Variants in OLFM1 observed in about 807,000 individuals in gnomAD.
OLFM1 encodes the protein olfactomedin 1.
OLFM1 carries 9 observed loss-of-function variants against 49.7 expected under a neutral mutation model. The ratio of observed to expected loss-of-function variants is 0.18; its 90% CI spans 0.11 to 0.32. The LOEUF is 0.32. Ranked by LOEUF, OLFM1 falls within the 10% of genes least tolerant of loss-of-function variation. The pLI is 1.00. For synonymous variants in OLFM1, 240 were observed against 271.8 expected, an observed-to-expected ratio of 0.88 and a Z score of 1.15; for missense variants, 369 against 661.8, an observed-to-expected ratio of 0.56 and a Z score of 4.85.
chr9:135,104,777 G>A (rs568321573), intron 4 of OLFM1, among the ~76,000 whole-genome samples: 92 of 152,280 alleles, frequency 6.0e-4, no homozygotes, highest in Admixed American at 9.8e-4. Context: ...AGCAGCCGGA[G>A]GGTGAGCCCA....
At chr9:135,077,349 TG>T (rs1485344822) in intron 1 of OLFM1, 1 of 1,271,200 alleles carries the variant, frequency 7.9e-7, no homozygotes. Flanking sequence ...AATGGCACCC[TG>T]AAGCCTCCAT....
chr9:135,118,841 GGAGTGCTCA>G (rs1831140219), intron 5 of OLFM1, among the ~76,000 whole-genome samples: 3 of 111,280 alleles, frequency 2.7e-5, no homozygotes, highest in East Asian at 2.3e-4. Flanking sequence ...CCGGGTCTTT[GGAGTGCTCA>G]CCGGGTCTTT....
intron 1 of OLFM1, chr9:135,076,342 C>T: frequency 1.3e-6 from 2 of 1,547,744 alleles, no homozygotes; most frequent in Non-Finnish European, 1.7e-6. Flanking sequence ...GTGTGCATTG[C>T]TGGCTTAATA....
At chr9:135,118,406 C>CACCA (rs1831127255) in intron 5 of OLFM1, among the ~76,000 whole-genome samples, 1 of 117,184 alleles carries the variant, frequency 8.5e-6, no homozygotes, top group Admixed American at 8.3e-5. Flanking sequence ...TTGGAGTGCT[C>CACCA]GCTGTGTCTT....
upstream of OLFM1, among the ~76,000 whole-genome samples, chr9:135,083,452 G>C (rs1252311301): frequency 6.6e-6 from 1 of 152,176 alleles, no homozygotes; most frequent in Non-Finnish European, 1.5e-5. Flanking sequence ...AACTAGGACT[G>C]AAGAGCTGGA....
At chr9:135,097,845 C>T (rs372977106) in intron 3 of OLFM1, 3 of 1,609,532 alleles carry the variant, frequency 1.9e-6, no homozygotes, top group Non-Finnish European at 2.5e-6. Flanking sequence ...CCCATGTAAC[C>T]ATGAAAGAGA....
chr9:135,101,373 C>G (rs1177055009), intron 4 of OLFM1, among the ~76,000 whole-genome samples: 15 of 152,210 alleles, frequency 9.9e-5, no homozygotes, highest in Non-Finnish European at 2.1e-4. Context: ...GGAGGAGAGG[C>G]TCTCCCAAAG....
At chr9:135,093,411 G>A (rs1237870466) in intron 2 of OLFM1, among the ~76,000 whole-genome samples, 1 of 152,222 alleles carries the variant, frequency 6.6e-6, no homozygotes, top group Non-Finnish European at 1.5e-5. Flanking sequence ...CTGAGCCTTG[G>A]TCTCCCTATG....
chr9:135,097,630 A>G (rs1484618961), intron 3 of OLFM1: 5 of 735,078 alleles, frequency 6.8e-6, no homozygotes, highest in Non-Finnish European at 1.2e-5. Context: ...GGGAATCTCA[A>G]TAACTCTTAA....
intron 2 of OLFM1, among the ~76,000 whole-genome samples, chr9:135,091,489 TCACA>T (rs201470727): frequency 9.7e-6 from 1 of 103,102 alleles, no homozygotes; most frequent in Non-Finnish European, 2.1e-5. Flanking sequence ...TCACACATAG[TCACA>T]CACACATTCA....
At chr9:135,092,603 G>A (rs919844928) in intron 2 of OLFM1, among the ~76,000 whole-genome samples, 9 of 152,174 alleles carry the variant, frequency 5.9e-5, no homozygotes, top group Non-Finnish European at 1.2e-4. Flanking sequence ...GGGGGCCGGC[G>A]AGAGTCAGGA....
intron 1 of OLFM1, among the ~76,000 whole-genome samples, chr9:135,081,424 A>C (rs1022724031): frequency 6.6e-6 from 1 of 152,138 alleles, no homozygotes; most frequent in Non-Finnish European, 1.5e-5. Flanking sequence ...GGACACGTGC[A>C]CGGCCGGCTG....
intron 1 of OLFM1, among the ~76,000 whole-genome samples, chr9:135,081,922 T>C (rs149516526): frequency 1.3e-5 from 2 of 152,318 alleles, no homozygotes; most frequent in African/African-American, 2.4e-5. Context: ...ACAAGGTGGC[T>C]GGAGGGGCTG....
chr9:135,114,864 G>A (rs535485626), intron 5 of OLFM1, among the ~76,000 whole-genome samples: 113 of 152,268 alleles, frequency 7.4e-4, no homozygotes, highest in African/African-American at 2.5e-3. Context: ...ATGAGGCAGC[G>A]GGAACCAGGC....
rs544598467 is a variant in OLFM1 at position 135,118,426 on chromosome 9, C to T, written c.784-1078C>T. On this transcript the variant is annotated intron_variant, in intron 5 of 5. Coordinates refer to ENST00000371793, the MANE Select transcript of OLFM1 (RefSeq NM_001282611.2). ...GTGCTCGCTGTGTCTTTGGAGTGCT[C>T]GCTGTGTCTTTGGAGTGCTCACCAG... 1.1e-4 allele frequency among the ~76,000 whole-genome samples: 16 copies of T among 143,596 alleles called. No homozygotes were observed. In the East Asian group the frequency reaches 1.9e-3, roughly 17 times the overall value. The allele number at this position is 143,596 out of a possible 152,430, so 94.2% of individuals were successfully genotyped here.
rs1444451385 is a variant in OLFM1, at chr9:135,117,536, C to T, written c.784-1968C>T. 1.3e-5 allele frequency among the ~76,000 whole-genome samples: 2 copies of T among 152,248 alleles called. No homozygotes were observed. Among genetic ancestry groups the T allele is most frequent in the Non-Finnish European group, 2.9e-5 (2 of 68,042 alleles). Reference sequence around the variant, plus strand: ...GAGAGTCGATCCTCACTGCAGACAACAGCTGCCTGGGGCTGTGAGCATTTG... The same window carrying T: ...GAGAGTCGATCCTCACTGCAGACAATAGCTGCCTGGGGCTGTGAGCATTTG... On this transcript the variant is annotated intron_variant, in intron 5 of 5. Transcript: ENST00000371793. The surrounding 1 kb of genome is among the most constrained non-coding windows in gnomAD (Gnocchi z 5.5).
rs1169602797 is a variant in OLFM1, at chr9:135,120,257, A to G, written c.*79A>G. 5 of 1,210,562 alleles carry G rather than the reference A, an allele frequency of 4.1e-6. No individual in the cohort carries two copies. The East Asian group carries it at 7.2e-5, about 17-fold the overall frequency. 75.0% of individuals were successfully genotyped at this position (1,210,562 alleles called of 1,614,324 possible). The stretch of plus-strand genomic sequence containing the variant: ...TGAAACTGCTGCCAAAAAGATACCA[A>G]TAACACTAACAATACCGATCTTGAA... On this transcript the variant is annotated 3_prime_UTR_variant, in exon 6 of 6. Transcript: ENST00000371793.
At chr9:135,110,501 G>A (rs1053330323) in intron 5 of OLFM1, among the ~76,000 whole-genome samples, 9 of 152,288 alleles carry the variant, frequency 5.9e-5, no homozygotes, top group African/African-American at 1.9e-4. Context: ...TCTAAACAGC[G>A]TCAAGGCCAT....
rs1043428658 is a variant in OLFM1, at chr9:135,095,795, C to A, written c.301-69C>A. 5.2e-5 allele frequency: 80 copies of A among 1,550,258 alleles called. 1 individual carries two copies. In the Admixed American group the frequency reaches 1.3e-3, roughly 26 times the overall value. ...TGTGTGGGAAAGGGCAATGTCTGTA[C>A]GAGCAGGCAGAGAAGATTGCCTGGC... On this transcript the variant is annotated intron_variant, in intron 2 of 5. Coordinates refer to ENST00000371793, the MANE Select transcript of OLFM1 (RefSeq NM_001282611.2).
Sources: gnomAD v4.1 joint callset for allele counts (sites outside exome capture counted in the v4.1 genomes callset) on GRCh38, gnomAD v4.1.1 for gene constraint, Gnocchi (gnomAD v3.1) non-coding constraint, MANE v1.5 for transcripts, NCBI Gene and HGNC (gene_info 2026-07-23, HGNC 2026-07-21) for gene names.